ADD3: variants seen among roughly 807,000 people sequenced by gnomAD.
The protein encoded by ADD3 is adducin 3.
Under a neutral mutation model 80.2 loss-of-function variants are expected in ADD3, and 25 were observed. The ratio of observed to expected loss-of-function variants is 0.31; its 90% CI spans 0.23 to 0.44. The LOEUF is 0.44. Ranked by LOEUF, ADD3 falls within the 20% of genes least tolerant of loss-of-function variation. The pLI, the probability that ADD3 is intolerant of heterozygous loss-of-function variation, is 1.00. For synonymous variants in ADD3, 284 were observed against 289.6 expected, an observed-to-expected ratio of 0.98 and a Z score of 0.20; for missense variants, 829 against 847.5, an observed-to-expected ratio of 0.98 and a Z score of 0.27.
chr10:110,112,813 C>A lies in ADD3; in HGVS notation c.232C>A (p.Gln78Lys), dbSNP rs780019495. The change falls in exon 3 of 15, where the codon CAG becomes AAG. Residue 78 changes from glutamine (Q) to lysine (K), a missense_variant. Coordinates refer to ENST00000356080, the MANE Select transcript of ADD3 (RefSeq NM_016824.5). ...AGACTTGGAATGCCTTATTCAAGAA[C>A]AGATGAAGAAAGGCCACAACCCAAC... is the stretch of plus-strand genomic sequence containing the variant. ...REDLECLIQE[Q>K]MKKGHNPTGL... is the part of the protein sequence containing the mutation. 3 of 1,613,938 alleles carry A rather than the reference C, an allele frequency of 1.9e-6. No individual in the cohort carries two copies. Among genetic ancestry groups the A allele is most frequent in the Non-Finnish European group, 2.5e-6 (3 of 1,179,978 alleles).
intron 1 of ADD3, among the ~76,000 whole-genome samples, chr10:110,009,408 C>T (rs1441950901): frequency 6.6e-6 from 1 of 152,066 alleles, no homozygotes; most frequent in Non-Finnish European, 1.5e-5. Flanking sequence ...TAGAAGACTC[C>T]TAGTGAGAGT....
chr10:110,079,461 AGTGTGTGTGTGTGTGT>A (rs1164637976), intron 1 of ADD3, among the ~76,000 whole-genome samples: 103 of 97,444 alleles, frequency 1.1e-3, no homozygotes, highest in African/African-American at 4.4e-3. Flanking sequence ...AGAGAGAGAG[AGTGTGTGTGTGTGTGT>A]GTGTGTGTGT....
chr10:109,997,471 G>C (rs139166710), intron 1 of ADD3: 3 of 152,308 alleles, frequency 2.0e-5, no homozygotes, highest in African/African-American at 4.8e-5. Context: ...ATACTTTGGA[G>C]ATATAGTCAG....
intron 1 of ADD3, among the ~76,000 whole-genome samples, chr10:110,052,269 G>T (rs1857602294): frequency 6.6e-6 from 1 of 152,152 alleles, no homozygotes; most frequent in Non-Finnish European, 1.5e-5. Flanking sequence ...AAACACCAAA[G>T]AATCACTGCT....
chr10:110,025,226 C>T lies in ADD3; in HGVS notation c.-30+16927C>T, dbSNP rs909212651. On this transcript the variant is annotated intron_variant, in intron 1 of 14. Transcript: ENST00000356080. ...TTTATTAAAACGTTTCCTTTCCTAG[C>T]GTCCGTTCCACTAAGGCAGAGGTAT... Among the ~76,000 whole-genome samples, 44 of 151,924 alleles carry T rather than the reference C, an allele frequency of 2.9e-4. 1 individual carries two copies. The highest frequency in any genetic ancestry group is 5.3e-4 in the Non-Finnish European group (36 of 67,988).
intron 12 of ADD3, among the ~76,000 whole-genome samples, chr10:110,127,695 GC>G (rs1436719734): frequency 6.6e-6 from 1 of 152,122 alleles, no homozygotes; most frequent in African/African-American, 2.4e-5. Flanking sequence ...CTCTGTTCCA[GC>G]CCCCCTTCAT....
At position 110,132,247 on chromosome 10, in the gene ADD3, A is replaced by G. The variant is rs541310902; in HGVS notation, c.1733-58A>G. On this transcript the variant is annotated intron_variant, in intron 13 of 14. Coordinates refer to ENST00000356080, the MANE Select transcript of ADD3 (RefSeq NM_016824.5). Reference sequence around the variant, plus strand: ...TTGATGTATGCACTAACCTCCCTAAAATCATATGCTGCTTTGTTTTGTTTT... The same window carrying G: ...TTGATGTATGCACTAACCTCCCTAAGATCATATGCTGCTTTGTTTTGTTTT... 4.6e-6 allele frequency: 6 copies of G among 1,290,732 alleles called. No individual in the cohort carries two copies. In the Admixed American group the frequency reaches 1.1e-4, roughly 23 times the overall value. The allele number at this position is 1,290,732 out of a possible 1,614,324, so 80.0% of individuals were successfully genotyped here.
intron 1 of ADD3, among the ~76,000 whole-genome samples, chr10:110,099,355 C>T (rs896031910): frequency 6.6e-6 from 1 of 152,052 alleles, no homozygotes; most frequent in Admixed American, 6.5e-5. Flanking sequence ...ATCTTACTCT[C>T]CTCTCTAGCA....
At chr10:110,119,102 A>C in intron 6 of ADD3, 109 bp from the exon 7 acceptor site, 1 of 1,213,994 alleles carries the variant, frequency 8.2e-7, no homozygotes, top group South Asian at 1.5e-5. Flanking sequence ...GCAATGGTGA[A>C]ACACAGTGAA....
intron 10 of ADD3, among the ~76,000 whole-genome samples, chr10:110,125,188 T>C (rs998019042): frequency 2.0e-5 from 3 of 152,230 alleles, no homozygotes; most frequent in Non-Finnish European, 4.4e-5. Flanking sequence ...TCAGAATTCA[T>C]TTTGTTTACA....
chr10:110,003,181 G>A (rs1465229922), upstream of ADD3, among the ~76,000 whole-genome samples: 2 of 152,034 alleles, frequency 1.3e-5, no homozygotes, highest in African/African-American at 4.8e-5. Flanking sequence ...ATTTTGGGGG[G>A]GTGGGATAGG....
chr10:110,040,564 A>G (rs1043101300), intron 1 of ADD3, among the ~76,000 whole-genome samples: 1 of 152,212 alleles, frequency 6.6e-6, no homozygotes, highest in Non-Finnish European at 1.5e-5. Flanking sequence ...GTGGAGACAT[A>G]TACATACCAT....
intron 2 of ADD3, among the ~76,000 whole-genome samples, chr10:110,102,470 G>T (rs561672423): frequency 6.6e-6 from 1 of 152,084 alleles, no homozygotes; most frequent in Non-Finnish European, 1.5e-5. Context: ...TTAGTCGAGC[G>T]TGGTGGTGTG....
chr10:110,092,454 C>T (rs1462667322), intron 1 of ADD3, among the ~76,000 whole-genome samples: 1 of 152,144 alleles, frequency 6.6e-6, no homozygotes, highest in Non-Finnish European at 1.5e-5. Context: ...TTACCCTAAG[C>T]AAATTAACAC....
At chr10:110,000,629 C>T (rs1051704549) in intron 1 of ADD3, among the ~76,000 whole-genome samples, 3 of 152,154 alleles carry the variant, frequency 2.0e-5, no homozygotes, top group Non-Finnish European at 2.9e-5. Context: ...AAGAAACTGG[C>T]TCATATTTTA....
chr10:110,097,379 C>T (rs1848294457), intron 1 of ADD3, among the ~76,000 whole-genome samples: 1 of 151,988 alleles, frequency 6.6e-6, no homozygotes, highest in Admixed American at 6.6e-5. Context: ...TTAATATTTT[C>T]CTTTGACTGT....
chr10:110,005,988 A>G (rs1282480921), upstream of ADD3: 1 of 249,498 alleles, frequency 4.0e-6, no homozygotes, highest in Admixed American at 4.7e-5. Context: ...GCTGCTGCTA[A>G]TGCTGCTGCT....
chr10:110,118,805 G>T, intron 6 of ADD3, 69 bp downstream of exon 6: 11 of 1,461,086 alleles, frequency 7.5e-6, no homozygotes, highest in Non-Finnish European at 1.0e-5. Flanking sequence ...TTTCTCAACA[G>T]GATGCTTTAC....
At chr10:110,016,425 G>A (rs1486955922) in intron 1 of ADD3, 1 of 152,220 alleles carries the variant, frequency 6.6e-6, no homozygotes. Flanking sequence ...AGAGAAACCT[G>A]AAGAAGTTGT....
Sources: gnomAD v4.1 joint callset for allele counts (sites outside exome capture counted in the v4.1 genomes callset) on GRCh38, gnomAD v4.1.1 for gene constraint, MANE v1.5 for transcripts, NCBI Gene and HGNC (gene_info 2026-07-23, HGNC 2026-07-21) for gene names.